IK: variants seen among roughly 807,000 people sequenced by gnomAD.
IK encodes IK cytokine, also known as protein Red.
A neutral mutation model predicts 90.9 loss-of-function variants in IK; 47 were observed. The ratio of observed to expected loss-of-function variants is 0.52; its 90% CI spans 0.41 to 0.66. The LOEUF (loss-of-function observed/expected upper bound fraction) is 0.66. IK is among the 30% of genes least tolerant of loss of function. The pLI, the probability that IK is intolerant of heterozygous loss-of-function variation, is 0.00. For synonymous variants in IK, 201 were observed against 227.5 expected, an observed-to-expected ratio of 0.88 and a Z score of 1.05; for missense variants, 385 against 709.3, an observed-to-expected ratio of 0.54 and a Z score of 5.19.
At chr5:140,659,565 A>G (rs1757767150) in intron 13 of IK, among the ~76,000 whole-genome samples, 191 bp from the exon 14 acceptor site, 1 of 152,220 alleles carries the variant, frequency 6.6e-6, no homozygotes, top group Admixed American at 6.5e-5. Context: ...GAGGTGAGGT[A>G]GAGGTCAAGT....
chr5:140,653,646 C>T (rs1262923762), intron 5 of IK, among the ~76,000 whole-genome samples: 4 of 141,764 alleles, frequency 2.8e-5, no homozygotes, highest in South Asian at 2.5e-4. Flanking sequence ...CTCTTGTTGC[C>T]CAGGCTGGAG....
intron 15 of IK, 63 bp downstream of exon 15, chr5:140,660,258 T>C: frequency 9.0e-7 from 1 of 1,116,236 alleles, no homozygotes; most frequent in Non-Finnish European, 1.3e-6. Context: ...GGGGGTGAAA[T>C]GGAAATTTGA....
intron 2 of IK, among the ~76,000 whole-genome samples, chr5:140,649,725 G>A (rs1253144078): frequency 6.6e-6 from 1 of 151,710 alleles, no homozygotes; most frequent in African/African-American, 2.4e-5. Context: ...TAGAGACAGG[G>A]TTTCGCTATG....
At chr5:140,651,895 C>T in intron 3 of IK, 89 bp downstream of exon 3, 1 of 903,656 alleles carries the variant, frequency 1.1e-6, no homozygotes, top group Non-Finnish European at 1.8e-6. Flanking sequence ...TTTTAATAGT[C>T]CCTCAGGTAT....
chr5:140,648,445 A>C, intron 1 of IK, 26 bp from the exon 2 acceptor site: 1 of 1,611,802 alleles, frequency 6.2e-7, no homozygotes, highest in Non-Finnish European at 8.5e-7. Context: ...GAGACTGATT[A>C]AATTAACGTC....
chr5:140,659,315 C>T lies in IK; in HGVS notation c.1177C>T (p.Pro393Ser), dbSNP rs1230230454. Residue 393 changes from proline to serine, a missense_variant and splice_region_variant, in exon 13 of 20, where the codon CCC becomes TCC. This residue lies in a region of IK where 139 missense variants were observed against 172.0 expected (regional missense o/e 0.81). Coordinates refer to ENST00000417647, the MANE Select transcript of IK (RefSeq NM_006083.4). ...ACTTCACATTTTGTGTTCTTTCCAG[C>T]CCATGGACGTTGACAAAGGTGAGTT... ...YFEKPKVDDE[P>S]MDVDKGPGST... 1.9e-6 allele frequency: 3 copies of T among 1,613,824 alleles called. No individual in the cohort carries two copies. In the African/African-American group the frequency reaches 4.0e-5, roughly 22 times the overall value.
At chr5:140,650,059 C>A (rs1757588439) in intron 2 of IK, among the ~76,000 whole-genome samples, 1 of 152,104 alleles carries the variant, frequency 6.6e-6, no homozygotes, top group Admixed American at 6.6e-5. Context: ...CCAAAGAGTC[C>A]CATTTTTCAG....
chr5:140,650,283 G>A (rs1757593174), intron 2 of IK, among the ~76,000 whole-genome samples: 1 of 152,188 alleles, frequency 6.6e-6, no homozygotes, highest in Non-Finnish European at 1.5e-5. Flanking sequence ...GGGAGAAGAG[G>A]AACTTGATTA....
At chr5:140,658,256 G>C (rs1456428164) in intron 10 of IK, among the ~76,000 whole-genome samples, 1 of 151,830 alleles carries the variant, frequency 6.6e-6, no homozygotes, top group Admixed American at 6.6e-5. Context: ...TGCCCACCTC[G>C]GCCTCCCAAA....
At chr5:140,656,311 G>A (rs952054762) in intron 9 of IK, among the ~76,000 whole-genome samples, 5 of 152,202 alleles carry the variant, frequency 3.3e-5, no homozygotes, top group African/African-American at 1.2e-4. Flanking sequence ...TCCTGCCGCA[G>A]CCTTCCAAGT....
At chr5:140,654,642 A>G in intron 7 of IK, 39 bp from the exon 8 acceptor site, 1 of 1,578,832 alleles carries the variant, frequency 6.3e-7, no homozygotes, top group Non-Finnish European at 8.7e-7. Context: ...CTAAAGTTAG[A>G]GCACATTTAG....
intron 9 of IK, among the ~76,000 whole-genome samples, chr5:140,656,605 A>G (rs979664558): frequency 1.3e-5 from 2 of 152,208 alleles, no homozygotes; most frequent in African/African-American, 2.4e-5. Context: ...CATATAATTC[A>G]TCCTTTAAAG....
chr5:140,659,915 C>T, intron 14 of IK, 81 bp downstream of exon 14: 3 of 1,044,216 alleles, frequency 2.9e-6, no homozygotes, highest in Non-Finnish European at 4.4e-6. Flanking sequence ...CTGCTCCCTC[C>T]TACCCTGCCC....
In IK at chr5:140,647,862, G is replaced by A; in HGVS notation, c.-47G>A. ...GGAAAGAGCTTGTCGCTGCGGTGTT[G>A]CTGTTGGAGACTCGATTGTTGGTGA... On this transcript the variant is annotated 5_prime_UTR_variant, in exon 1 of 20. Transcript: ENST00000417647. 1 of 1,612,426 alleles carries A rather than the reference G, an allele frequency of 6.2e-7. No individual in the cohort carries two copies. The highest frequency in any genetic ancestry group is 1.3e-5 in the African/African-American group (1 of 75,022).
intron 10 of IK, 24 bp from the exon 11 acceptor site, chr5:140,658,713 C>T: frequency 1.3e-6 from 2 of 1,588,946 alleles, no homozygotes; most frequent in South Asian, 2.3e-5. Flanking sequence ...GAGTATGTTC[C>T]TGACTCCTCT....
Position 140,662,161 on chromosome 5 carries a change from A to C in IK, c.1612-18A>C. 3 of 1,613,898 alleles carry C rather than the reference A, an allele frequency of 1.9e-6. No homozygotes were observed. The highest frequency in any genetic ancestry group is 1.7e-6 in the Non-Finnish European group (2 of 1,179,822). ...TAGATGGGCAGCTTGGTGATAGACT[A>C]TCCTGTTGTTTTTGCAGATCATTGA... On this transcript the variant is annotated intron_variant, in intron 18 of 19. Coordinates refer to ENST00000417647, the MANE Select transcript of IK (RefSeq NM_006083.4).
At chr5:140,653,762 G>T (rs528135941) in intron 5 of IK, among the ~76,000 whole-genome samples, 176 bp from the exon 6 acceptor site, 26 of 152,044 alleles carry the variant, frequency 1.7e-4, no homozygotes, top group Middle Eastern at 3.4e-3. Context: ...CCACCACCAT[G>T]CCCAGCTAAT....
chr5:140,655,784 G>A lies in IK; in HGVS notation c.638-45G>A, dbSNP rs57746946. The A allele has an allele frequency of 4.0e-3, 6,294 of 1,588,644 alleles. 241 individuals are homozygous for A. In the African/African-American group the frequency reaches 0.076, roughly 19 times the overall value. On this transcript the variant is annotated intron_variant, in intron 8 of 19. Coordinates refer to ENST00000417647, the MANE Select transcript of IK (RefSeq NM_006083.4). ...CAGAGTAAGCACATAAGTGACAGCTGTTCTTGTAGATCCTGGCTACTTGCT... is the reference window on the plus strand; with the variant it reads ...CAGAGTAAGCACATAAGTGACAGCTATTCTTGTAGATCCTGGCTACTTGCT...
intron 3 of IK, 120 bp from the exon 4 acceptor site, chr5:140,651,968 G>C: frequency 1.1e-6 from 1 of 876,296 alleles, no homozygotes; most frequent in Non-Finnish European, 1.9e-6. Flanking sequence ...ATTTCTGCTT[G>C]ATTGAAAGTG....
Sources: gnomAD v4.1 joint callset for allele counts (sites outside exome capture counted in the v4.1 genomes callset) on GRCh38, gnomAD v4.1.1 for gene constraint, gnomAD v4.1.1 regional missense constraint, MANE v1.5 for transcripts, NCBI Gene and HGNC (gene_info 2026-07-23, HGNC 2026-07-21) for gene names.